The following SPOCK3 variants were observed in gnomAD, a reference collection of about 807,000 sequenced individuals.
The protein encoded by SPOCK3 is SPARC (osteonectin), cwcv and kazal like domains proteoglycan 3.
SPOCK3 carries 30 observed loss-of-function variants against 56.6 expected under a neutral mutation model. The ratio of observed to expected loss-of-function variants is 0.53; its 90% CI spans 0.40 to 0.72. The LOEUF (loss-of-function observed/expected upper bound fraction) is 0.72, where lower values mean the gene tolerates loss of function less well. SPOCK3 is among the 30% of genes least tolerant of loss of function. The pLI is 0.00. For synonymous variants in SPOCK3, 196 were observed against 183.3 expected (o/e 1.07, Z -0.56); for missense variants, 527 against 530.0 (o/e 0.99, Z 0.06).
chr4:166,905,243 C>G (rs1275506305), intron 5 of SPOCK3, among the ~76,000 whole-genome samples: 1 of 151,876 alleles, frequency 6.6e-6, no homozygotes, highest in Admixed American at 6.6e-5. Context: ...CATTACACTT[C>G]TCTTAAAGAA....
chr4:167,205,614 T>C (rs1734241028), intron 2 of SPOCK3, among the ~76,000 whole-genome samples: 1 of 112,568 alleles, frequency 8.9e-6, no homozygotes, highest in Admixed American at 1.4e-4. Context: ...ATATATAAAA[T>C]ATCTATATAT....
chr4:167,162,836 C>T (rs1450827616), intron 2 of SPOCK3, among the ~76,000 whole-genome samples: 1 of 151,726 alleles, frequency 6.6e-6, no homozygotes, highest in Non-Finnish European at 1.5e-5. Flanking sequence ...AGTGTTCATA[C>T]AATAATCATA....
At chr4:166,959,510 G>A (rs1280367466) in intron 4 of SPOCK3, among the ~76,000 whole-genome samples, 1 of 152,002 alleles carries the variant, frequency 6.6e-6, no homozygotes, top group Non-Finnish European at 1.5e-5. Context: ...CTACTTGGGA[G>A]GCTGAGGCAG....
At position 166,734,213 on chromosome 4, in the gene SPOCK3, T is replaced by G. The variant is rs1734000178; in HGVS notation, c.*708A>C. 1 of 151,856 alleles carries G rather than the reference T, an allele frequency of 6.6e-6. No homozygotes were observed. Among genetic ancestry groups the G allele is most frequent in the Non-Finnish European group, 1.5e-5 (1 of 67,818 alleles). The allele number at this position is 151,856 out of a possible 1,614,324, so 9.4% of individuals were successfully genotyped here. ...AAACAAATCATGTTATTAAAGAATC[T>G]TTTAAAAAATCTGCATGAGACTGCC... On this transcript the variant is annotated 3_prime_UTR_variant, in exon 11 of 11. Coordinates refer to ENST00000357545, the MANE Select transcript of SPOCK3 (RefSeq NM_001040159.2).
intron 8 of SPOCK3, among the ~76,000 whole-genome samples, chr4:166,745,633 T>G (rs1427387240): frequency 6.6e-6 from 1 of 152,080 alleles, no homozygotes; most frequent in Non-Finnish European, 1.5e-5. Flanking sequence ...AATTCACACA[T>G]AACAATATTA....
At chr4:167,184,476 G>C (rs749976010) in intron 2 of SPOCK3, among the ~76,000 whole-genome samples, 1 of 152,120 alleles carries the variant, frequency 6.6e-6, no homozygotes. Flanking sequence ...CATTCACACT[G>C]AGCCAGGTAC....
chr4:166,981,547 T>C (rs1579888806), intron 4 of SPOCK3, among the ~76,000 whole-genome samples: 3 of 151,900 alleles, frequency 2.0e-5, no homozygotes, highest in Admixed American at 2.0e-4. Context: ...GAGTCCAGGG[T>C]TTTTATGGGC....
At chr4:166,922,155 T>G (rs1738567306) in intron 4 of SPOCK3, among the ~76,000 whole-genome samples, 1 of 152,122 alleles carries the variant, frequency 6.6e-6, no homozygotes, top group Non-Finnish European at 1.5e-5. Flanking sequence ...TGAAACAGTT[T>G]CATACCCAAA....
At chr4:166,799,847 A>G (rs993820723) in intron 6 of SPOCK3, among the ~76,000 whole-genome samples, 1 of 152,086 alleles carries the variant, frequency 6.6e-6, no homozygotes, top group African/African-American at 2.4e-5. Context: ...ACAGTGAAAG[A>G]TTTAGCAGAA....
chr4:166,943,210 A>C (rs1184195604), intron 4 of SPOCK3, among the ~76,000 whole-genome samples: 1 of 152,172 alleles, frequency 6.6e-6, no homozygotes, highest in Non-Finnish European at 1.5e-5. Flanking sequence ...TTGCTTCTGT[A>C]AAGTTTCTAA....
intron 2 of SPOCK3, among the ~76,000 whole-genome samples, chr4:167,121,459 T>C (rs571915534): frequency 8.0e-4 from 121 of 151,794 alleles, no homozygotes; most frequent in African/African-American, 2.9e-3. Context: ...AGAGATTTCT[T>C]CTCTGGTTTC....
chr4:167,226,072 A>C (rs886902825), intron 2 of SPOCK3, among the ~76,000 whole-genome samples: 6 of 152,170 alleles, frequency 3.9e-5, no homozygotes, highest in Non-Finnish European at 8.8e-5. Flanking sequence ...CTTGCCCACC[A>C]ATCACCATTA....
At chr4:167,229,190 C>G (rs1736889093) in intron 2 of SPOCK3, among the ~76,000 whole-genome samples, 1 of 152,116 alleles carries the variant, frequency 6.6e-6, no homozygotes, top group Admixed American at 6.5e-5. Flanking sequence ...AACAGTAGTT[C>G]ACTTTATTAA....
intron 2 of SPOCK3, among the ~76,000 whole-genome samples, chr4:167,231,317 G>GA (rs1737157529): frequency 6.6e-6 from 1 of 151,242 alleles, no homozygotes; most frequent in South Asian, 2.1e-4. Flanking sequence ...CACTTCGGAA[G>GA]AAAAAATAAT....
intron 8 of SPOCK3, among the ~76,000 whole-genome samples, chr4:166,748,142 G>T (rs1465747724): frequency 7.0e-6 from 1 of 143,364 alleles, no homozygotes; most frequent in African/African-American, 2.8e-5. Context: ...CTACTTTAAA[G>T]TTCATATGGA....
At chr4:166,961,550 A>T (rs1485607190) in intron 4 of SPOCK3, among the ~76,000 whole-genome samples, 3 of 146,398 alleles carry the variant, frequency 2.0e-5, no homozygotes, top group African/African-American at 5.2e-5. Context: ...AAGAAGAAAA[A>T]TTGAAAAAAA....
intron 4 of SPOCK3, among the ~76,000 whole-genome samples, chr4:166,984,202 AT>A (rs911266963): frequency 6.6e-6 from 1 of 152,046 alleles, no homozygotes; most frequent in African/African-American, 2.4e-5. Context: ...ATTATGCAAT[AT>A]TTTTTATATT....
chr4:166,846,472 A>C (rs959856517), intron 6 of SPOCK3, among the ~76,000 whole-genome samples: 1 of 152,246 alleles, frequency 6.6e-6, no homozygotes, highest in East Asian at 1.9e-4. Flanking sequence ...GTGAATAGGA[A>C]TAAATATGGT....
chr4:166,775,061 TA>T (rs1739373442), intron 7 of SPOCK3, among the ~76,000 whole-genome samples: 1 of 152,124 alleles, frequency 6.6e-6, no homozygotes, highest in South Asian at 2.1e-4. Flanking sequence ...AAAGAGAGAT[TA>T]TTTGAGCAGA....
Sources: allele counts gnomAD v4.1 joint callset (sites outside exome capture counted in the v4.1 genomes callset), GRCh38; gene constraint gnomAD v4.1.1; transcripts MANE v1.5; gene names NCBI Gene and HGNC (gene_info 2026-07-23, HGNC 2026-07-21).